Variants in NSMAF observed in about 807,000 individuals in gnomAD.
NSMAF encodes protein FAN.
Under a neutral mutation model 134.9 loss-of-function variants are expected in NSMAF, and 90 were observed. The ratio of observed to expected loss-of-function variants is 0.67; its 90% CI spans 0.56 to 0.79. The LOEUF (loss-of-function observed/expected upper bound fraction) is 0.79. Ranked by LOEUF, NSMAF falls within the 30% of genes least tolerant of loss-of-function variation. NSMAF has a pLI of 0.00. For synonymous variants in NSMAF, 358 were observed against 389.6 expected (o/e 0.92, Z 0.96); for missense variants, 1,010 against 1,119.0 (o/e 0.90, Z 1.39).
chr8:58,596,649 G>A (rs891359001), intron 21 of NSMAF, among the ~76,000 whole-genome samples: 1 of 152,192 alleles, frequency 6.6e-6, no homozygotes, highest in Non-Finnish European at 1.5e-5. Context: ...TGTATGTGGG[G>A]CCGAGCGCGG....
Position 58,609,607 on chromosome 8 carries a change from G to A in NSMAF, c.684C>T (p.Tyr228=), listed in dbSNP as rs1250072305. 2 of 1,613,970 alleles carry A rather than the reference G, an allele frequency of 1.2e-6. No homozygotes were observed. Among genetic ancestry groups the A allele is most frequent in the African/African-American group, 1.3e-5 (1 of 74,930 alleles). ...CCTGACCCTGTGGTCTACACACCGGGTAGCCGTTGAGGGGCTGAAAATACA... is the reference window on the plus strand; with the variant it reads ...CCTGACCCTGTGGTCTACACACCGGATAGCCGTTGAGGGGCTGAAAATACA... ...TNLYFQPLNG[Y]PKPVVQITLQ... is the part of the protein sequence containing the mutation. The change falls in exon 10 of 31, where the codon TAC becomes TAT. Residue 228 remains tyrosine (Y), a synonymous_variant. Coordinates refer to ENST00000038176, the MANE Select transcript of NSMAF (RefSeq NM_003580.4).
At chr8:58,586,258 C>T (rs1013157478) in intron 28 of NSMAF, 200 bp downstream of exon 28, 23 of 625,158 alleles carry the variant, frequency 3.7e-5, no homozygotes, top group Admixed American at 8.9e-5. Flanking sequence ...ATACCCAGTC[C>T]GGCTTTTCTA....
intron 5 of NSMAF, among the ~76,000 whole-genome samples, chr8:58,632,412 G>A (rs1234366783): frequency 3.9e-5 from 6 of 152,038 alleles, no homozygotes; most frequent in Non-Finnish European, 5.9e-5. Context: ...AGATCTCCAC[G>A]TCACCATACA....
intron 2 of NSMAF, among the ~76,000 whole-genome samples, chr8:58,641,646 G>A (rs1234234778): frequency 6.6e-6 from 1 of 152,220 alleles, no homozygotes. Flanking sequence ...AGTCAGTTCA[G>A]TCAGTCTCCT....
intron 13 of NSMAF, 49 bp downstream of exon 13, chr8:58,603,161 A>T: frequency 6.5e-7 from 1 of 1,534,826 alleles, no homozygotes; most frequent in Non-Finnish European, 9.0e-7. Flanking sequence ...AACAATACAG[A>T]TGACTACTCC....
At chr8:58,588,631 A>G (rs1805949961) in intron 26 of NSMAF, 7 of 1,503,778 alleles carry the variant, frequency 4.7e-6, no homozygotes, top group Non-Finnish European at 5.5e-6. Flanking sequence ...TGCGGCCTCC[A>G]CTATGTTTCG....
At chr8:58,584,496 C>G (rs1585720812) in intron 30 of NSMAF, among the ~76,000 whole-genome samples, 1 of 152,082 alleles carries the variant, frequency 6.6e-6, no homozygotes, top group African/African-American at 2.4e-5. Context: ...AAGTACAATA[C>G]AGGTATAACA....
chr8:58,638,575 C>T (rs59104727), intron 2 of NSMAF, among the ~76,000 whole-genome samples: 9,209 of 151,390 alleles, frequency 0.061, 698 homozygotes, highest in African/African-American at 0.18. Flanking sequence ...TAGATATCCC[C>T]GTGGAAAAAA....
intron 14 of NSMAF, 21 bp from the exon 15 acceptor site, chr8:58,601,556 A>AAAG: frequency 1.9e-6 from 3 of 1,577,164 alleles, no homozygotes; most frequent in Non-Finnish European, 2.6e-6. Context: ...GAAAAAAAAA[A>AAAG]AAAATAGAGC....
chr8:58,621,916 G>C (rs1354672912), intron 9 of NSMAF, among the ~76,000 whole-genome samples: 2 of 151,996 alleles, frequency 1.3e-5, no homozygotes, highest in African/African-American at 4.8e-5. Flanking sequence ...TCATTCCGTG[G>C]GCTGTCTGTT....
chr8:58,587,870 C>T (rs1805926585), intron 26 of NSMAF, among the ~76,000 whole-genome samples, 169 bp from the exon 27 acceptor site: 1 of 152,238 alleles, frequency 6.6e-6, no homozygotes. Flanking sequence ...CTTTCTCCCA[C>T]CAGCATGTGC....
chr8:58,601,246 A>G, intron 16 of NSMAF, 39 bp downstream of exon 16: 2 of 1,499,908 alleles, frequency 1.3e-6, no homozygotes, highest in Non-Finnish European at 1.9e-6. Context: ...ATACAATCAG[A>G]AAGTGTTAAA....
chr8:58,659,230 T>C (rs1199774140), intron 1 of NSMAF: 4 of 1,486,526 alleles, frequency 2.7e-6, no homozygotes, highest in African/African-American at 2.9e-5. Flanking sequence ...CGTGCCGGGA[T>C]CCACGCCCGG....
Position 58,659,570 on chromosome 8 carries a change from C to T in NSMAF, c.59+3G>A. On this transcript the variant is annotated splice_donor_region_variant and intron_variant, in intron 1 of 30. Transcript: ENST00000038176. ...CTGGGCCCTTCTTCAGCTGGGCGCG[C>T]ACCTCTCCTTGGAGTAGAGCTGCAG... is the stretch of plus-strand genomic sequence containing the variant. 6.5e-7 allele frequency: 1 copy of T among 1,528,250 alleles called. No homozygotes were observed. Among genetic ancestry groups the T allele is most frequent in the South Asian group, 1.2e-5 (1 of 81,718 alleles). The allele number at this position is 1,528,250 out of a possible 1,614,324, so 94.7% of individuals were successfully genotyped here. A position where few individuals can be genotyped will look rare whatever the true frequency, so the allele number is the denominator to read the frequency against.
At chr8:58,643,474 ACATCTGCCT>A (rs1297229221) in intron 1 of NSMAF, among the ~76,000 whole-genome samples, 1 of 151,180 alleles carries the variant, frequency 6.6e-6, no homozygotes, top group East Asian at 1.9e-4. Flanking sequence ...CCTGCCCCCA[ACATCTGCCT>A]CATGGTTATC....
intron 2 of NSMAF, among the ~76,000 whole-genome samples, chr8:58,638,572 C>T (rs933625103): frequency 6.6e-6 from 1 of 151,782 alleles, no homozygotes; most frequent in African/African-American, 2.4e-5. Context: ...AACTAGATAT[C>T]CCCGTGGAAA....
At chr8:58,598,518 AAAAAG>A (rs1396563455) in intron 19 of NSMAF, among the ~76,000 whole-genome samples, 7 of 151,092 alleles carry the variant, frequency 4.6e-5, no homozygotes, top group East Asian at 3.9e-4. Context: ...AAAAGAAAAA[AAAAAG>A]AAAAGAAAAG....
At chr8:58,622,193 G>A (rs935097667) in intron 9 of NSMAF, among the ~76,000 whole-genome samples, 7 of 152,032 alleles carry the variant, frequency 4.6e-5, no homozygotes, top group African/African-American at 1.7e-4. Context: ...AATTTTAAAC[G>A]GGCAGGTGAT....
At chr8:58,619,252 G>A (rs1238140219) in intron 9 of NSMAF, among the ~76,000 whole-genome samples, 1 of 152,116 alleles carries the variant, frequency 6.6e-6, no homozygotes, top group East Asian at 1.9e-4. Context: ...TGGCCAGATG[G>A]CCTTACTGGC....
Sources: gnomAD v4.1 joint callset for allele counts (sites outside exome capture counted in the v4.1 genomes callset) on GRCh38, gnomAD v4.1.1 for gene constraint, MANE v1.5 for transcripts, NCBI Gene and HGNC (gene_info 2026-07-23, HGNC 2026-07-21) for gene names.